TGFBR2: variants seen among roughly 807,000 people sequenced by gnomAD.
The protein encoded by TGFBR2 is TGF-beta receptor type-2.
In TGFBR2, 18 loss-of-function variants were observed where a neutral mutation model predicts 49.0. The ratio of observed to expected loss-of-function variants is 0.37; its 90% CI spans 0.25 to 0.54. TGFBR2 has a LOEUF of 0.54. Among genes scored for constraint, TGFBR2 ranks in the 20% least tolerant of loss-of-function variants. TGFBR2 has a pLI of 0.85. For synonymous variants in TGFBR2, 282 were observed against 275.9 expected, an observed-to-expected ratio of 1.02 and a Z score of -0.22; for missense variants, 525 against 722.6, an observed-to-expected ratio of 0.73 and a Z score of 3.13.
At chr3:30,639,219 G>A (rs1376868404) in intron 1 of TGFBR2, among the ~76,000 whole-genome samples, 1 of 152,216 alleles carries the variant, frequency 6.6e-6, no homozygotes, top group Non-Finnish European at 1.5e-5. Flanking sequence ...ACCCAGGGCA[G>A]CAGCTCCCTT....
intron 1 of TGFBR2, among the ~76,000 whole-genome samples, chr3:30,642,726 T>C (rs940252547): frequency 2.0e-5 from 3 of 152,240 alleles, no homozygotes; most frequent in African/African-American, 7.2e-5. Context: ...TTTTTTTTGC[T>C]TTAAACAATG....
At chr3:30,684,620 C>T (rs1040076292) in intron 5 of TGFBR2, among the ~76,000 whole-genome samples, 2 of 152,148 alleles carry the variant, frequency 1.3e-5, no homozygotes, top group African/African-American at 4.8e-5. Context: ...GGAGCCAGTC[C>T]TTTTGCCAGC....
At chr3:30,685,447 A>C (rs1699604164) in intron 5 of TGFBR2, among the ~76,000 whole-genome samples, 1 of 152,210 alleles carries the variant, frequency 6.6e-6, no homozygotes, top group Admixed American at 6.5e-5. Context: ...GTGGAGTCTG[A>C]CACACTTTTG....
At chr3:30,624,490 C>T (rs961023629) in intron 1 of TGFBR2, among the ~76,000 whole-genome samples, 2 of 152,008 alleles carry the variant, frequency 1.3e-5, no homozygotes, top group African/African-American at 4.8e-5. Context: ...GTGGCACGTG[C>T]CTCTAGTCCC....
At chr3:30,607,098 T>C in intron 1 of TGFBR2, 121 bp downstream of exon 1, 1 of 791,654 alleles carries the variant, frequency 1.3e-6, no homozygotes. Context: ...CGAGGAAAGT[T>C]TCCCCCGCGA....
At chr3:30,665,933 T>C (rs865939668) in intron 3 of TGFBR2, among the ~76,000 whole-genome samples, 1 of 152,248 alleles carries the variant, frequency 6.6e-6, no homozygotes, top group African/African-American at 2.4e-5. Context: ...TATAGTAATA[T>C]ATGTTTCTAT....
chr3:30,607,254 G>A lies in TGFBR2; in HGVS notation c.94+277G>A, dbSNP rs563429742. Reference sequence around the variant, plus strand: ...GCGTTGTGTTGGCCGCGTTCGAGGCGAGCCCCCACCCCCGGAAAGGGAAGT... The same window carrying A: ...GCGTTGTGTTGGCCGCGTTCGAGGCAAGCCCCCACCCCCGGAAAGGGAAGT... On this transcript the variant is annotated intron_variant, in intron 1 of 6. Coordinates refer to ENST00000295754, the MANE Select transcript of TGFBR2 (RefSeq NM_003242.6). Among the ~76,000 whole-genome samples the A allele has an allele frequency of 4.6e-5, 7 of 152,356 alleles. No homozygotes were observed. The South Asian group carries it at 1.4e-3, about 32-fold the overall frequency.
At chr3:30,669,339 T>C (rs2125430906) in intron 3 of TGFBR2, among the ~76,000 whole-genome samples, 2 of 152,088 alleles carry the variant, frequency 1.3e-5, no homozygotes, top group South Asian at 4.2e-4. Context: ...GGGTTCATCA[T>C]CATGAGCCAG....
intron 2 of TGFBR2, among the ~76,000 whole-genome samples, chr3:30,648,263 G>A (rs2082224): frequency 0.24 from 36,109 of 151,960 alleles, 4,467 homozygotes; most frequent in East Asian, 0.4. Context: ...GTAGAAAACC[G>A]GAGGCTCTGG....
chr3:30,680,448 G>T (rs550802830), intron 5 of TGFBR2, among the ~76,000 whole-genome samples: 1 of 152,058 alleles, frequency 6.6e-6, no homozygotes, highest in Admixed American at 6.6e-5. Flanking sequence ...CTATTGTGTC[G>T]CAGGCATTGT....
intron 3 of TGFBR2, among the ~76,000 whole-genome samples, chr3:30,667,784 C>T (rs1575155735): frequency 6.6e-6 from 1 of 152,200 alleles, no homozygotes; most frequent in East Asian, 1.9e-4. Context: ...AAGGACAAAG[C>T]TAAGTAATTA....
intron 2 of TGFBR2, among the ~76,000 whole-genome samples, chr3:30,649,460 A>T (rs1396413043): frequency 2.0e-5 from 3 of 152,192 alleles, no homozygotes; most frequent in Non-Finnish European, 4.4e-5. Context: ...CTATGTGAGA[A>T]ATTCTCTGAG....
chr3:30,610,256 A>G (rs1429698039), intron 1 of TGFBR2, among the ~76,000 whole-genome samples: 2 of 152,198 alleles, frequency 1.3e-5, no homozygotes, highest in Non-Finnish European at 2.9e-5. Context: ...ACGTGTTTTA[A>G]CTGTTTATAT....
rs1268548128 is a variant in TGFBR2 at position 30,633,987 on chromosome 3, C to T, written c.95-10760C>T. 3.9e-5 allele frequency among the ~76,000 whole-genome samples: 6 copies of T among 152,130 alleles called. No individual in the cohort carries two copies. In the East Asian group the frequency reaches 1.2e-3, roughly 29 times the overall value. On this transcript the variant is annotated intron_variant, in intron 1 of 6. Transcript: ENST00000295754. ...AATATGGTAGTACTCTGGCCCTTTTCCAGAGAAAATATGGAAATCATCTGT... is the reference window on the plus strand; with the variant it reads ...AATATGGTAGTACTCTGGCCCTTTTTCAGAGAAAATATGGAAATCATCTGT...
chr3:30,665,224 G>A (rs567922530), intron 3 of TGFBR2, among the ~76,000 whole-genome samples: 1 of 152,282 alleles, frequency 6.6e-6, no homozygotes, highest in East Asian at 1.9e-4. Context: ...TGAGGGGAAG[G>A]AAGAACTTCC....
intron 1 of TGFBR2, among the ~76,000 whole-genome samples, chr3:30,612,210 T>C (rs1287943836): frequency 1.3e-5 from 2 of 152,200 alleles, no homozygotes; most frequent in Non-Finnish European, 2.9e-5. Flanking sequence ...ATATTATGTA[T>C]CTCATTTAAT....
chr3:30,678,768 T>C (rs1178835652), intron 5 of TGFBR2, among the ~76,000 whole-genome samples: 4 of 152,124 alleles, frequency 2.6e-5, no homozygotes, highest in Non-Finnish European at 4.4e-5. Context: ...CCTAGTTGTA[T>C]TGATACTTTT....
intron 1 of TGFBR2, among the ~76,000 whole-genome samples, chr3:30,628,539 T>G (rs1463005261): frequency 4.8e-4 from 71 of 147,896 alleles, no homozygotes; most frequent in Admixed American, 1.9e-3. Context: ...TTTTTTTTTT[T>G]TTTTTTTTTT....
At chr3:30,626,520 C>T (rs951790930) in intron 1 of TGFBR2, 6 of 152,272 alleles carry the variant, frequency 3.9e-5, no homozygotes, top group African/African-American at 1.4e-4. Flanking sequence ...AGCCCCAGGG[C>T]CATGCTACTC....
Sources: allele counts gnomAD v4.1 joint callset (sites outside exome capture counted in the v4.1 genomes callset), GRCh38; gene constraint gnomAD v4.1.1; transcripts MANE v1.5; gene names NCBI Gene and HGNC (gene_info 2026-07-23, HGNC 2026-07-21).